STK32C: variants seen among roughly 807,000 people sequenced by gnomAD.
STK32C encodes the protein serine/threonine kinase 32C.
STK32C carries 31 observed loss-of-function variants against 56.5 expected under a neutral mutation model. The ratio of observed to expected loss-of-function variants is 0.55; its 90% CI spans 0.41 to 0.74. STK32C has a LOEUF of 0.74. Among genes scored for constraint, STK32C ranks in the 30% least tolerant of loss-of-function variants. The probability of loss-of-function intolerance (pLI) is 0.00; values close to 1 mark genes in which losing one functional copy is unlikely to be tolerated. For missense variants in STK32C, 544 were observed against 676.9 expected, an observed-to-expected ratio of 0.80 and a Z score of 2.18; for synonymous variants, 309 against 289.4, an observed-to-expected ratio of 1.07 and a Z score of -0.69.
intron 11 of STK32C, 70 bp downstream of exon 11, chr10:132,208,964 A>C: frequency 1.3e-6 from 2 of 1,505,524 alleles, no homozygotes; most frequent in South Asian, 2.4e-5. Context: ...CACGTGGCCA[A>C]GAAAACCTTA....
intron 2 of STK32C, among the ~76,000 whole-genome samples, chr10:132,237,600 A>T (rs2063338590): frequency 6.6e-6 from 1 of 152,216 alleles, no homozygotes; most frequent in Non-Finnish European, 1.5e-5. Context: ...GTGGTGGCGG[A>T]GGTGAACCCA....
chr10:132,319,596 A>G (rs1251961313), downstream of STK32C, among the ~76,000 whole-genome samples: 1 of 152,242 alleles, frequency 6.6e-6, no homozygotes, highest in Non-Finnish European at 1.5e-5. Context: ...GTCTGACTCC[A>G]TTTACCTAAA....
At chr10:132,305,023 C>G (rs924564595) in intron 1 of STK32C, among the ~76,000 whole-genome samples, 1 of 152,208 alleles carries the variant, frequency 6.6e-6, no homozygotes, top group Non-Finnish European at 1.5e-5. Context: ...CTTGGTATCA[C>G]CAGGACACCA....
chr10:132,309,402 G>A (rs1327199533), upstream of STK32C, among the ~76,000 whole-genome samples: 1 of 152,108 alleles, frequency 6.6e-6, no homozygotes, highest in Non-Finnish European at 1.5e-5. Flanking sequence ...ACATGCACCC[G>A]CTTAGGACAC....
intron 1 of STK32C, chr10:132,330,361 TGAA>T (rs1405897554): frequency 2.9e-6 from 2 of 695,216 alleles, no homozygotes; most frequent in African/African-American, 3.5e-5. Context: ...AGCATCGTGC[TGAA>T]ATCTTCCATC....
intron 1 of STK32C, among the ~76,000 whole-genome samples, chr10:132,325,486 G>A (rs1335767861): frequency 6.6e-6 from 1 of 151,410 alleles, no homozygotes; most frequent in African/African-American, 2.4e-5. Context: ...CCAGGAGGCG[G>A]AGCTTCCAGT....
intron 2 of STK32C, among the ~76,000 whole-genome samples, chr10:132,232,861 C>T (rs1565088611): frequency 6.6e-6 from 1 of 151,934 alleles, no homozygotes; most frequent in Non-Finnish European, 1.5e-5. Context: ...CCGGAACAGG[C>T]TGGTGCCTGC....
intron 1 of STK32C, among the ~76,000 whole-genome samples, chr10:132,263,215 T>A (rs951416256): frequency 6.6e-6 from 1 of 152,140 alleles, no homozygotes; most frequent in Non-Finnish European, 1.5e-5. Context: ...GTGGACTGGA[T>A]AAAGAAAACG....
intron 1 of STK32C, among the ~76,000 whole-genome samples, chr10:132,291,959 A>G (rs2065578601): frequency 1.3e-5 from 2 of 152,128 alleles, no homozygotes; most frequent in African/African-American, 4.8e-5. Flanking sequence ...GAAGAAGAGC[A>G]TTGCAGTGAG....
intron 10 of STK32C, among the ~76,000 whole-genome samples, chr10:132,213,284 A>G (rs1044242064): frequency 1.3e-5 from 2 of 152,264 alleles, no homozygotes; most frequent in Non-Finnish European, 2.9e-5. Flanking sequence ...GAAGGGGCAC[A>G]GGCCCCCAAG....
At chr10:132,231,145 G>A (rs139833419) in intron 2 of STK32C, among the ~76,000 whole-genome samples, 85 of 152,318 alleles carry the variant, frequency 5.6e-4, no homozygotes, top group Middle Eastern at 3.4e-3. Context: ...CCCGTCACAC[G>A]CATCCCATCA....
At position 132,226,790 on chromosome 10, in the gene STK32C, C is replaced by T; in HGVS notation, c.644+5G>A. 1 of 1,612,080 alleles carries T rather than the reference C, an allele frequency of 6.2e-7. No individual in the cohort carries two copies. The highest frequency in any genetic ancestry group is 1.1e-5 in the South Asian group (1 of 91,084). ...AGGTACCTGCGCCGTCTGCCACGCA[C>T]ACACCTGTGGATGATGTGCTGGCCG... On this transcript the variant is annotated splice_donor_5th_base_variant and intron_variant, in intron 4 of 11. Transcript: ENST00000298630.
intron 1 of STK32C, among the ~76,000 whole-genome samples, chr10:132,291,695 A>G (rs1460941394): frequency 6.6e-6 from 1 of 152,188 alleles, no homozygotes; most frequent in East Asian, 1.9e-4. Flanking sequence ...AAGCAGAGCC[A>G]TGGGGCTCAT....
downstream of STK32C, among the ~76,000 whole-genome samples, chr10:132,323,735 A>G (rs534055437): frequency 1.6e-3 from 248 of 152,320 alleles, 2 homozygotes; most frequent in African/African-American, 5.8e-3. This position sits in a 1 kb window ranked among gnomAD's most constrained non-coding sequence, Gnocchi z 4.8. Context: ...GTCTTGGTCC[A>G]TTTTCTGTTG....
intron 1 of STK32C, among the ~76,000 whole-genome samples, chr10:132,305,760 A>G (rs1187102738): frequency 6.6e-6 from 1 of 152,186 alleles, no homozygotes; most frequent in African/African-American, 2.4e-5. Flanking sequence ...CCTGCCAGTG[A>G]CAGGAAGAAG....
At chr10:132,247,122 G>A (rs58585763) in intron 1 of STK32C, among the ~76,000 whole-genome samples, 2,665 of 152,332 alleles carry the variant, frequency 0.017, 85 homozygotes, top group African/African-American at 0.059. Context: ...AGGCAGACCC[G>A]GGGAGACAGC....
intron 7 of STK32C, among the ~76,000 whole-genome samples, chr10:132,224,728 C>T (rs2062818770): frequency 6.6e-6 from 1 of 152,092 alleles, no homozygotes. Flanking sequence ...GCCCTGGCTG[C>T]TGCGCCCATC....
At chr10:132,256,220 T>C (rs1357526113) in intron 1 of STK32C, among the ~76,000 whole-genome samples, 2 of 152,028 alleles carry the variant, frequency 1.3e-5, no homozygotes, top group African/African-American at 2.4e-5. Flanking sequence ...TCCGAAACAA[T>C]TGTGGCTTCT....
At chr10:132,284,240 G>T (rs372896019) in intron 1 of STK32C, among the ~76,000 whole-genome samples, 3 of 149,482 alleles carry the variant, frequency 2.0e-5, no homozygotes, top group Non-Finnish European at 4.4e-5. Flanking sequence ...CGCAGGAAAC[G>T]GGCAGAGTAG....
Sources: gnomAD v4.1 joint callset for allele counts (sites outside exome capture counted in the v4.1 genomes callset) on GRCh38, gnomAD v4.1.1 for gene constraint, Gnocchi (gnomAD v3.1) non-coding constraint, MANE v1.5 for transcripts, NCBI Gene and HGNC (gene_info 2026-07-23, HGNC 2026-07-21) for gene names.